MARVELD3: variants seen among roughly 807,000 people sequenced by gnomAD.
MARVELD3 encodes the protein MARVEL domain-containing protein 3.
A neutral mutation model predicts 33.5 loss-of-function variants in MARVELD3; 28 were observed. That is an observed-to-expected ratio of 0.84 (90% confidence interval 0.62 to 1.15). MARVELD3 has a LOEUF of 1.15. Among genes scored for constraint, MARVELD3 ranks in the 50% most tolerant of loss-of-function variants. MARVELD3 has a pLI of 0.00. For synonymous variants in MARVELD3, 241 were observed against 230.4 expected (o/e 1.05, Z -0.42); for missense variants, 582 against 547.6 (o/e 1.06, Z -0.63).
downstream of MARVELD3, chr16:71,640,729 T>C (rs754605352): frequency 5.6e-6 from 9 of 1,614,142 alleles, no homozygotes; most frequent in Non-Finnish European, 7.6e-6. Context: ...CTAGCGGCAG[T>C]GGGCTACTGC....
At position 71,626,242 on chromosome 16, in the gene MARVELD3, T is replaced by A. The variant is rs1597072075; in HGVS notation, c.13T>A (p.Ser5Thr). Residue 5 changes from serine (S) to threonine (T), a missense_variant, in exon 1 of 3, where the codon TCG (serine) becomes ACG (threonine). By Grantham distance (58) the Ser-to-Thr change is moderately conservative. Coordinates refer to ENST00000268485, the MANE Select transcript of MARVELD3 (RefSeq NM_052858.6). The surrounding 1 kb of genome is among the most constrained non-coding windows in gnomAD (Gnocchi z 5.3). Reference sequence around the variant, plus strand: ...ACGGAACCCGGCCATGGAAGATCCGTCGGGGGCTCGCGAGCCCCGGGCCCG... The same window carrying A: ...ACGGAACCCGGCCATGGAAGATCCGACGGGGGCTCGCGAGCCCCGGGCCCG... MEDP[S>T]GAREPRARPR... 6.7e-7 allele frequency: 1 copy of A among 1,497,804 alleles called. No homozygotes were observed. 92.8% of individuals were successfully genotyped at this position (1,497,804 alleles called of 1,614,324 possible).
rs2044507226 is a variant in MARVELD3, at chr16:71,629,482, T to A, written c.583T>A (p.Cys195Ser). The A allele has an allele frequency of 6.4e-7, 1 of 1,572,538 alleles. No homozygotes were observed. Among genetic ancestry groups the A allele is most frequent in the Non-Finnish European group, 8.6e-7 (1 of 1,164,272 alleles). ...GGAATGCCACAAATGCAAATACTTG[T>A]GCACTGGGAGAGGTGAGCCGTTTTG... is the stretch of plus-strand genomic sequence containing the variant. ...LLECHKCKYL[C>S]TGRACCQMLE... is the part of the protein sequence containing the mutation. The change falls in exon 2 of 3, where the codon TGC (cysteine) becomes AGC (serine). Residue 195 changes from cysteine to serine, a missense_variant. By Grantham distance (112) the Cys-to-Ser change is moderately radical. Coordinates refer to ENST00000268485, the MANE Select transcript of MARVELD3 (RefSeq NM_052858.6).
rs778091633 is a variant in MARVELD3, at chr16:71,626,333, G to A, written c.104G>A (p.Arg35Gln). The part of the protein sequence containing the change: ...PDQGRTHDRP[R>Q]DRPGDPRRKR... ...CAAGGCCGCACCCACGATCGACCGC[G>A]GGACCGACCCGGGGACCCGCGCAGG... Residue 35 changes from arginine to glutamine, a missense_variant, in exon 1 of 3, where the codon CGG (arginine) becomes CAG (glutamine). Arg to Gln is a conservative substitution (Grantham distance 43). Transcript: ENST00000268485. The surrounding 1 kb of genome is among the most constrained non-coding windows in gnomAD (Gnocchi z 5.3). 1.9e-6 allele frequency: 3 copies of A among 1,548,312 alleles called. No individual in the cohort carries two copies. Among genetic ancestry groups the A allele is most frequent in the Non-Finnish European group, 2.6e-6 (3 of 1,146,746 alleles).
At chr16:71,630,098 G>A (rs1396745316) in intron 2 of MARVELD3, among the ~76,000 whole-genome samples, 2 of 140,644 alleles carry the variant, frequency 1.4e-5, no homozygotes, top group Admixed American at 7.4e-5. Flanking sequence ...AAAAAAAAAA[G>A]GGAAAAAGGC....
At chr16:71,639,410 T>G (rs1312963813), downstream of MARVELD3, 1 of 150,344 alleles carries the variant, frequency 6.7e-6, no homozygotes. Flanking sequence ...TCCCTTGAGA[T>G]TCATTCAAGT....
downstream of MARVELD3, among the ~76,000 whole-genome samples, chr16:71,637,490 G>A (rs1288377313): frequency 6.6e-6 from 1 of 152,162 alleles, no homozygotes; most frequent in Non-Finnish European, 1.5e-5. Flanking sequence ...GCAGCTTACT[G>A]TGCCGGAGTG....
Position 71,626,294 on chromosome 16 carries a change from GC to G in MARVELD3, c.70del (p.His24ThrfsTer99). 1 of 1,543,248 alleles carries G rather than the reference GC, an allele frequency of 6.5e-7. No individual in the cohort carries two copies. Among genetic ancestry groups the G allele is most frequent in the Non-Finnish European group, 8.7e-7 (1 of 1,143,534 alleles). ...CCGAGAGAGCGGGACCCGGGACGGC[GC>G]CCCCACCCAGACCAAGGCCGCACCC... ...ARPRERDPGR[R>X]PHPDQGRTHD... On this transcript the variant is annotated frameshift_variant, in exon 1 of 3. Transcript: ENST00000268485. LOFTEE classifies it high-confidence loss of function. This position sits in a 1 kb window ranked among gnomAD's most constrained non-coding sequence, Gnocchi z 5.3.
chr16:71,628,494 G>A (rs576516594), intron 1 of MARVELD3, among the ~76,000 whole-genome samples: 7 of 150,704 alleles, frequency 4.6e-5, no homozygotes, highest in South Asian at 2.1e-4. Context: ...CTGAGATCTC[G>A]ACACTGCACT....
chr16:71,627,222 G>C (rs2044482910), intron 1 of MARVELD3, among the ~76,000 whole-genome samples: 1 of 152,246 alleles, frequency 6.6e-6, no homozygotes, highest in Non-Finnish European at 1.5e-5. Flanking sequence ...GAAACAGGTG[G>C]GCCGGCGCGG....
downstream of MARVELD3, chr16:71,640,825 A>G: frequency 6.2e-7 from 1 of 1,614,252 alleles, no homozygotes; most frequent in Non-Finnish European, 8.5e-7. Flanking sequence ...TATGCCCGCA[A>G]GGGTCTCACC....
chr16:71,632,400 A>G (rs1597076236), intron 2 of MARVELD3, among the ~76,000 whole-genome samples: 1 of 152,198 alleles, frequency 6.6e-6, no homozygotes, highest in East Asian at 1.9e-4. Flanking sequence ...TGTCCAAGAT[A>G]AAGAAGCCAA....
chr16:71,629,713 C>T, intron 2 of MARVELD3: 1 of 509,696 alleles, frequency 2.0e-6, no homozygotes, highest in Non-Finnish European at 3.2e-6. Context: ...TCTCCTTAAA[C>T]ATGCCCTGGG....
rs754603478 is a variant in MARVELD3 at position 71,634,267 on chromosome 16, G to A, written c.670G>A (p.Gly224Arg). Residue 224 changes from glycine (G) to arginine (R), a missense_variant, in exon 3 of 3, where the codon GGG (glycine) becomes AGG (arginine). Gly to Arg is a moderately radical substitution (Grantham distance 125, BLOSUM62 -2). Transcript: ENST00000268485. ...CAGCTCTGTGTCTTACAGTTCCACA[G>A]GGGGCTACACGGGCATCACCAGCTT... is the stretch of plus-strand genomic sequence containing the variant. ...ACSSVSYSST[G>R]GYTGITSLGG... The A allele has an allele frequency of 6.2e-7, 1 of 1,614,154 alleles. No individual in the cohort carries two copies. Among genetic ancestry groups the A allele is most frequent in the Admixed American group, 1.7e-5 (1 of 60,022 alleles).
chr16:71,628,578 A>T (rs957534348), intron 1 of MARVELD3, among the ~76,000 whole-genome samples: 4 of 151,410 alleles, frequency 2.6e-5, no homozygotes, highest in Non-Finnish European at 5.9e-5. Flanking sequence ...GGAAGAGGAA[A>T]GGTGTCCCAA....
In MARVELD3 at chr16:71,633,714, TA is replaced by T. The variant is rs761838056; in HGVS notation, c.596-476del. Among the ~76,000 whole-genome samples the T allele has an allele frequency of 2.7e-4, 39 of 143,250 alleles. No individual in the cohort carries two copies. The East Asian group carries it at 5.7e-3, about 21-fold the overall frequency. 94.0% of individuals were successfully genotyped at this position (143,250 alleles called of 152,430 possible). A position where few individuals can be genotyped will look rare whatever the true frequency, so the allele number is the denominator to read the frequency against. ...CCAGTCTTTTTTTTTTTTTTTTTTTTAAATTAGAGATGGGGTATCACTATGT... is the reference window on the plus strand; with the variant it reads ...CCAGTCTTTTTTTTTTTTTTTTTTTTAATTAGAGATGGGGTATCACTATGT... On this transcript the variant is annotated intron_variant, in intron 2 of 2. Transcript: ENST00000268485.
Position 71,626,254 on chromosome 16 carries a change from G to A in MARVELD3, c.25G>A (p.Glu9Lys), listed in dbSNP as rs1337899424. MEDPSGAR[E>K]PRARPRERDP... ...CATGGAAGATCCGTCGGGGGCTCGC[G>A]AGCCCCGGGCCCGGCCGAGAGAGCG... The change falls in exon 1 of 3, where the codon GAG (glutamate) becomes AAG (lysine). Residue 9 changes from glutamate to lysine, a missense_variant. Glu to Lys is a moderately conservative substitution (Grantham distance 56, BLOSUM62 1). Coordinates refer to ENST00000268485, the MANE Select transcript of MARVELD3 (RefSeq NM_052858.6). This position sits in a 1 kb window ranked among gnomAD's most constrained non-coding sequence, Gnocchi z 5.3. 7 of 1,513,668 alleles carry A rather than the reference G, an allele frequency of 4.6e-6. No homozygotes were observed. The South Asian group carries it at 6.3e-5, about 14-fold the overall frequency. The allele number at this position is 1,513,668 out of a possible 1,614,324, so 93.8% of individuals were successfully genotyped here.
At chr16:71,630,409 T>C (rs1416039141) in intron 2 of MARVELD3, among the ~76,000 whole-genome samples, 1 of 152,106 alleles carries the variant, frequency 6.6e-6, no homozygotes, top group African/African-American at 2.4e-5. Flanking sequence ...GTGGATCACC[T>C]GAGGTCGGGA....
At chr16:71,634,079 C>T (rs2044557836) in intron 2 of MARVELD3, 114 bp from the exon 3 acceptor site, 3 of 1,492,486 alleles carry the variant, frequency 2.0e-6, no homozygotes, top group Admixed American at 4.7e-5. Flanking sequence ...GGGTCTTCCA[C>T]AGGGCCAGAA....
intron 2 of MARVELD3, among the ~76,000 whole-genome samples, chr16:71,633,694 CTTTTTTT>C (rs60714318): frequency 2.3e-5 from 3 of 131,376 alleles, no homozygotes; most frequent in Non-Finnish European, 3.3e-5. Flanking sequence ...CATACCCAGT[CTTTTTTT>C]TTTTTTTTTT....
Sources: allele counts gnomAD v4.1 joint callset (sites outside exome capture counted in the v4.1 genomes callset), GRCh38; gene constraint gnomAD v4.1.1; non-coding constraint Gnocchi (gnomAD v3.1); transcripts MANE v1.5; gene names NCBI Gene and HGNC (gene_info 2026-07-23, HGNC 2026-07-21).